The following PWWP3B variants were observed in gnomAD, a reference collection of about 807,000 sequenced individuals.
PWWP3B encodes the protein PWWP domain containing 3B.
Under a neutral mutation model 15.7 loss-of-function variants are expected in PWWP3B, and 5 were observed. That is an observed-to-expected ratio of 0.32 (90% CI 0.17 to 0.67). PWWP3B has a LOEUF of 0.67. Ranked by LOEUF, PWWP3B falls within the 30% of genes least tolerant of loss-of-function variation. The probability of loss-of-function intolerance (pLI) is 0.74; values close to 1 mark genes in which losing one functional copy is unlikely to be tolerated. For synonymous variants in PWWP3B, 203 were observed against 179.8 expected, an observed-to-expected ratio of 1.13 and a Z score of -1.03; for missense variants, 519 against 493.1, an observed-to-expected ratio of 1.05 and a Z score of -0.50.
intron 2 of PWWP3B, among the ~76,000 whole-genome samples, chrX:106,192,138 C>T (rs770802686): frequency 9.0e-6 from 1 of 111,701 alleles, no homozygotes; most frequent in South Asian, 3.8e-4. Flanking sequence ...TTTTGTACCT[C>T]TGTTAGAATT....
Position 106,192,803 on chromosome X carries a change from A to C in PWWP3B, c.-400-11182A>C, listed in dbSNP as rs1489016320. Among the ~76,000 whole-genome samples, 2 of 108,930 alleles carry C rather than the reference A, an allele frequency of 1.8e-5. 1 individual carries two copies. The highest frequency in any genetic ancestry group is 3.8e-5 in the Non-Finnish European group (2 of 52,072). The allele number at this position is 108,930 out of a possible 115,157, so 94.6% of individuals were successfully genotyped here. A position where few individuals can be genotyped will look rare whatever the true frequency, so the allele number is the denominator to read the frequency against. ...TCTGCCTTCATTTCATTATGTACCCAGTAGTCATTCAGGAGCAGGTTGTTC... is the reference window on the plus strand; with the variant it reads ...TCTGCCTTCATTTCATTATGTACCCCGTAGTCATTCAGGAGCAGGTTGTTC... On this transcript the variant is annotated intron_variant, in intron 2 of 3. Coordinates refer to ENST00000357175, the MANE Select transcript of PWWP3B (RefSeq NM_001171020.2).
chrX:106,188,312 A>C (rs1231456999), intron 2 of PWWP3B, among the ~76,000 whole-genome samples: 1 of 112,082 alleles, frequency 8.9e-6, no homozygotes, highest in Non-Finnish European at 1.9e-5. Context: ...GATCAAAATA[A>C]TTTACATTTT....
At chrX:106,201,540 A>G (rs1443698358) in intron 2 of PWWP3B, among the ~76,000 whole-genome samples, 2 of 112,883 alleles carry the variant, frequency 1.8e-5, no homozygotes, top group Non-Finnish European at 3.7e-5. Context: ...AATTAAGCAC[A>G]CTTGTTGACA....
intron 2 of PWWP3B, among the ~76,000 whole-genome samples, chrX:106,190,785 T>G (rs1469856655): frequency 8.9e-6 from 1 of 111,776 alleles, no homozygotes; most frequent in Non-Finnish European, 1.9e-5. Flanking sequence ...TTCCCAGCAC[T>G]GTTTATTAAA....
chrX:106,185,444 A>G (rs538064564), intron 2 of PWWP3B, among the ~76,000 whole-genome samples: 3 of 111,444 alleles, frequency 2.7e-5, no homozygotes, highest in African/African-American at 9.8e-5. Context: ...TTGCCCAAGA[A>G]CCTGCAGCAG....
intron 2 of PWWP3B, among the ~76,000 whole-genome samples, chrX:106,196,171 C>T (rs1035998158): frequency 4.5e-5 from 5 of 111,677 alleles, no homozygotes; most frequent in African/African-American, 1.6e-4. Flanking sequence ...GGTCTCATAG[C>T]TTCATAGCTT....
At chrX:106,182,304 T>TATA (rs747912503) in intron 2 of PWWP3B, among the ~76,000 whole-genome samples, 2 of 111,564 alleles carry the variant, frequency 1.8e-5, no homozygotes. Flanking sequence ...TTCCTAACCC[T>TATA]ATAAGTAGGG....
rs183817431 is a variant in PWWP3B at position 106,204,555 on chromosome X, A to T, written c.-215+385A>T. Among the ~76,000 whole-genome samples the T allele has an allele frequency of 2.8e-3, 315 of 112,051 alleles. 2 individuals carry two copies. The highest frequency in any genetic ancestry group is 8.9e-3 in the African/African-American group (276 of 30,888). On this transcript the variant is annotated intron_variant, in intron 3 of 3. Coordinates refer to ENST00000357175, the MANE Select transcript of PWWP3B (RefSeq NM_001171020.2). ...TAATTCTGAATCTCTGCCTTCTAAA[A>T]TTATGCTTTTAGAAGAGTCATTGTA... is the stretch of plus-strand genomic sequence containing the variant.
chrX:106,177,984 A>C (rs1475532926), intron 2 of PWWP3B, among the ~76,000 whole-genome samples: 1 of 111,360 alleles, frequency 9.0e-6, no homozygotes, highest in African/African-American at 3.3e-5. Context: ...TTGTTTTCAT[A>C]ATAAGAAGAG....
chrX:106,187,360 C>T (rs908545642), intron 2 of PWWP3B, among the ~76,000 whole-genome samples: 2 of 112,014 alleles, frequency 1.8e-5, no homozygotes, highest in Non-Finnish European at 3.8e-5. Context: ...CATCCTGTGT[C>T]TTGACTCCTA....
At position 106,205,601 on chromosome X, in the gene PWWP3B, A is replaced by T; in HGVS notation, c.169A>T (p.Ile57Phe). The T allele has an allele frequency of 1.7e-6, 2 of 1,209,441 alleles. No homozygotes were observed. The highest frequency in any genetic ancestry group is 2.3e-4 in the Middle Eastern group (1 of 4,337). Residue 57 changes from isoleucine (I) to phenylalanine (F), a missense_variant, in exon 4 of 4, where the codon ATC (isoleucine) becomes TTC (phenylalanine). Coordinates refer to ENST00000357175, the MANE Select transcript of PWWP3B (RefSeq NM_001171020.2). ...TAAATTGGACAGCACAGAAACAAAG[A>T]TCCTAAATAAATCTCAAATTGAAGC... ...KIKLDSTETK[I>F]LNKSQIEAIA...
At chrX:106,198,162 G>T (rs1420413867) in intron 2 of PWWP3B, among the ~76,000 whole-genome samples, 2 of 110,813 alleles carry the variant, frequency 1.8e-5, no homozygotes, top group East Asian at 5.6e-4. Context: ...CGGTTCTCTG[G>T]ATTTTAACAT....
At chrX:106,184,505 G>A in intron 2 of PWWP3B, among the ~76,000 whole-genome samples, 1 of 111,425 alleles carries the variant, frequency 9.0e-6, no homozygotes, top group Admixed American at 9.6e-5. Context: ...GGTCCCAGTA[G>A]GGATCCATTA....
intron 2 of PWWP3B, among the ~76,000 whole-genome samples, chrX:106,188,365 T>C (rs1922648035): frequency 8.9e-6 from 1 of 112,047 alleles, no homozygotes; most frequent in East Asian, 2.8e-4. Context: ...TTTAAACATA[T>C]CTTGTGGAAC....
At chrX:106,192,499 G>A (rs1466982633) in intron 2 of PWWP3B, among the ~76,000 whole-genome samples, 1 of 111,023 alleles carries the variant, frequency 9.0e-6, no homozygotes, top group Non-Finnish European at 1.9e-5. Context: ...CCAGCTCCTG[G>A]ATTCATTGAT....
chrX:106,181,410 A>C (rs1922192724), intron 2 of PWWP3B, among the ~76,000 whole-genome samples: 1 of 111,471 alleles, frequency 9.0e-6, no homozygotes. Context: ...CATTTTACAG[A>C]GTGCTGATTG....
At chrX:106,204,921 G>A (rs1349049742) in intron 3 of PWWP3B, among the ~76,000 whole-genome samples, 1 of 111,320 alleles carries the variant, frequency 9.0e-6, no homozygotes, top group African/African-American at 3.3e-5. Context: ...ATTACATAGA[G>A]TTCCTGACAT....
At chrX:106,197,648 A>G (rs972718301) in intron 2 of PWWP3B, among the ~76,000 whole-genome samples, 11 of 112,521 alleles carry the variant, frequency 9.8e-5, no homozygotes, top group African/African-American at 3.2e-4. Context: ...TTGGGGTTCC[A>G]GATATTCCAA....
At chrX:106,203,323 A>G (rs1474263381) in intron 2 of PWWP3B, among the ~76,000 whole-genome samples, 1 of 111,886 alleles carries the variant, frequency 8.9e-6, no homozygotes, top group Non-Finnish European at 1.9e-5. Context: ...AGACATTATG[A>G]TCTGGTTAGA....
Sources: gnomAD v4.1 joint callset for allele counts (sites outside exome capture counted in the v4.1 genomes callset) on GRCh38, gnomAD v4.1.1 for gene constraint, MANE v1.5 for transcripts, NCBI Gene and HGNC (gene_info 2026-07-23, HGNC 2026-07-21) for gene names.